IGF2BP2: variants seen among roughly 807,000 people sequenced by gnomAD.
The protein encoded by IGF2BP2 is insulin like growth factor 2 mRNA binding protein 2.
IGF2BP2 carries 17 observed loss-of-function variants against 75.8 expected under a neutral mutation model. The observed-to-expected ratio is 0.22, with a 90% CI of 0.15 to 0.34. The LOEUF (loss-of-function observed/expected upper bound fraction) is 0.34. IGF2BP2 is among the 10% of genes least tolerant of loss of function. IGF2BP2 has a pLI of 1.00. For missense variants in IGF2BP2, 516 were observed against 772.4 expected, an observed-to-expected ratio of 0.67 and a Z score of 3.93; for synonymous variants, 288 against 295.6, an observed-to-expected ratio of 0.97 and a Z score of 0.26.
intron 2 of IGF2BP2, among the ~76,000 whole-genome samples, chr3:185,757,595 A>G (rs1731803773): frequency 6.6e-6 from 1 of 150,698 alleles, no homozygotes; most frequent in Admixed American, 6.7e-5. Context: ...CCTCCCAAGT[A>G]GCTGGACTAC....
chr3:185,653,000 G>A (rs1027011491), intron 12 of IGF2BP2, among the ~76,000 whole-genome samples: 2 of 152,088 alleles, frequency 1.3e-5, no homozygotes, highest in African/African-American at 4.8e-5. Flanking sequence ...TTAGTGAGAT[G>A]GGGTTTCACC....
chr3:185,655,281 G>A (rs753455241), intron 12 of IGF2BP2, among the ~76,000 whole-genome samples: 11 of 152,104 alleles, frequency 7.2e-5, no homozygotes, highest in East Asian at 1.9e-4. Context: ...ACAGGCACCC[G>A]CCATCATGCA....
intron 2 of IGF2BP2, among the ~76,000 whole-genome samples, chr3:185,815,003 T>C (rs1294929521): frequency 6.6e-6 from 1 of 152,136 alleles, no homozygotes; most frequent in Non-Finnish European, 1.5e-5. Flanking sequence ...TTGTGCAACA[T>C]TCTGTATCCT....
At chr3:185,746,208 T>C (rs767269289) in intron 2 of IGF2BP2, among the ~76,000 whole-genome samples, 4 of 152,346 alleles carry the variant, frequency 2.6e-5, no homozygotes, top group Non-Finnish European at 4.4e-5. Flanking sequence ...AAGCCTGTTA[T>C]ACAGTCTGCC....
intron 2 of IGF2BP2, among the ~76,000 whole-genome samples, chr3:185,761,825 G>A (rs1366094352): frequency 6.6e-6 from 1 of 152,204 alleles, no homozygotes; most frequent in Non-Finnish European, 1.5e-5. Context: ...ACATGCAAGT[G>A]TGCTTCAGAA....
intron 2 of IGF2BP2, among the ~76,000 whole-genome samples, chr3:185,799,621 G>A (rs1190132364): frequency 5.9e-5 from 9 of 152,086 alleles, no homozygotes; most frequent in Admixed American, 2.6e-4. Flanking sequence ...GCGTGGTGGC[G>A]GGTGACTGTA....
At chr3:185,695,278 T>C (rs936161697) in intron 4 of IGF2BP2, among the ~76,000 whole-genome samples, 5 of 152,192 alleles carry the variant, frequency 3.3e-5, no homozygotes, top group Middle Eastern at 3.2e-3. Flanking sequence ...GCAGAATAGA[T>C]CATATACAAG....
chr3:185,790,432 C>A (rs1259419387), intron 2 of IGF2BP2, among the ~76,000 whole-genome samples: 1 of 152,108 alleles, frequency 6.6e-6, no homozygotes, highest in African/African-American at 2.4e-5. Context: ...TTTAAGGGAA[C>A]CACTAAGAAG....
chr3:185,701,991 C>T (rs1723371954), intron 2 of IGF2BP2, among the ~76,000 whole-genome samples: 1 of 152,058 alleles, frequency 6.6e-6, no homozygotes, highest in African/African-American at 2.4e-5. Context: ...TCTGGCATGT[C>T]CTTCAAAACG....
chr3:185,689,972 A>G (rs1721726322), intron 5 of IGF2BP2, among the ~76,000 whole-genome samples: 1 of 151,322 alleles, frequency 6.6e-6, no homozygotes. Context: ...CGTCTCAAAA[A>G]AAAAAAAAAA....
intron 2 of IGF2BP2, among the ~76,000 whole-genome samples, chr3:185,788,878 A>T (rs961364351): frequency 6.6e-6 from 1 of 151,710 alleles, no homozygotes; most frequent in African/African-American, 2.4e-5. Context: ...CACCCAGCTA[A>T]TTTTGGTATT....
chr3:185,764,289 G>T (rs1019395416), intron 2 of IGF2BP2, among the ~76,000 whole-genome samples: 1 of 152,106 alleles, frequency 6.6e-6, no homozygotes, highest in Non-Finnish European at 1.5e-5. Context: ...AGTCATGAAA[G>T]ATTTTTTAAG....
chr3:185,749,804 A>C (rs971788641), intron 2 of IGF2BP2, among the ~76,000 whole-genome samples: 1 of 152,210 alleles, frequency 6.6e-6, no homozygotes, highest in Non-Finnish European at 1.5e-5. Context: ...GTGTTAAAAA[A>C]CGTCCTTGAC....
Position 185,708,038 on chromosome 3 carries a change from T to A in IGF2BP2, c.240-9691A>T, listed in dbSNP as rs147317881. Among the ~76,000 whole-genome samples the A allele has an allele frequency of 4.2e-3, 645 of 152,348 alleles. 4 individuals are homozygous for A. Among genetic ancestry groups the A allele is most frequent in the African/African-American group, 0.015 (616 of 41,574 alleles). ...CATGAAGGTTTTCCCAAATCACCATTACTACTGACATTCATGGATGCTAAG... is the reference window on the plus strand; with the variant it reads ...CATGAAGGTTTTCCCAAATCACCATAACTACTGACATTCATGGATGCTAAG... On this transcript the variant is annotated intron_variant, in intron 2 of 15. Transcript: ENST00000382199.
At chr3:185,742,123 A>AT (rs1729631937) in intron 2 of IGF2BP2, among the ~76,000 whole-genome samples, 1 of 151,604 alleles carries the variant, frequency 6.6e-6, no homozygotes, top group Admixed American at 6.6e-5. Flanking sequence ...TAAATGATAA[A>AT]TTTTTTTAAA....
chr3:185,766,707 C>T (rs1733122150), intron 2 of IGF2BP2, among the ~76,000 whole-genome samples: 1 of 152,222 alleles, frequency 6.6e-6, no homozygotes, highest in Non-Finnish European at 1.5e-5. Flanking sequence ...ATACTTTTTA[C>T]TGATTTCATT....
At chr3:185,681,563 T>C (rs891334082) in intron 7 of IGF2BP2, among the ~76,000 whole-genome samples, 2 of 152,164 alleles carry the variant, frequency 1.3e-5, no homozygotes, top group Non-Finnish European at 2.9e-5. Flanking sequence ...GTGGGCATTG[T>C]TTGAAGAAAT....
chr3:185,690,626 T>C (rs944530989), intron 5 of IGF2BP2, among the ~76,000 whole-genome samples: 16 of 152,224 alleles, frequency 1.1e-4, no homozygotes, highest in Non-Finnish European at 2.1e-4. Context: ...TTGGCATCTT[T>C]GCAACTACAA....
At chr3:185,759,794 G>C (rs1283114929) in intron 2 of IGF2BP2, among the ~76,000 whole-genome samples, 1 of 152,226 alleles carries the variant, frequency 6.6e-6, no homozygotes, top group African/African-American at 2.4e-5. Flanking sequence ...AAGGACTCTG[G>C]CTATGTTGCT....
Sources: allele counts gnomAD v4.1 joint callset (sites outside exome capture counted in the v4.1 genomes callset), GRCh38; gene constraint gnomAD v4.1.1; transcripts MANE v1.5; gene names NCBI Gene and HGNC (gene_info 2026-07-23, HGNC 2026-07-21).